Variants in GRB10 observed in about 807,000 individuals in gnomAD.
The protein encoded by GRB10 is growth factor receptor bound protein 10.
In GRB10, 20 loss-of-function variants were observed where a neutral mutation model predicts 80.9. The ratio of observed to expected loss-of-function variants is 0.25; its 90% CI spans 0.17 to 0.36. The LOEUF (loss-of-function observed/expected upper bound fraction) is 0.36. Ranked by LOEUF, GRB10 falls within the 10% of genes least tolerant of loss-of-function variation. The pLI is 1.00. For missense variants in GRB10, 548 were observed against 747.7 expected, an observed-to-expected ratio of 0.73 and a Z score of 3.12; for synonymous variants, 291 against 291.5, an observed-to-expected ratio of 1.00 and a Z score of 0.02.
chr7:50,594,401 C>T (rs889019340), intron 18 of GRB10, among the ~76,000 whole-genome samples: 1 of 152,228 alleles, frequency 6.6e-6, no homozygotes, highest in African/African-American at 2.4e-5. Flanking sequence ...AGTCACTACA[C>T]GATTCTTGAG....
At position 50,686,946 on chromosome 7, in the gene GRB10, C is replaced by T. The variant is rs143670511; in HGVS notation, c.140-12288G>A. Reference sequence around the variant, plus strand: ...TTTTATTTTTTTATTTAGATACCTTCCTTTGTCAGTGAACTTGAGTTTCTA... The same window carrying T: ...TTTTATTTTTTTATTTAGATACCTTTCTTTGTCAGTGAACTTGAGTTTCTA... On this transcript the variant is annotated intron_variant, in intron 5 of 18. Transcript: ENST00000401949. Among the ~76,000 whole-genome samples the T allele has an allele frequency of 1.4e-3, 211 of 152,302 alleles. 1 individual carries two copies. The highest frequency in any genetic ancestry group is 4.9e-3 in the African/African-American group (203 of 41,578).
chr7:50,700,057 C>T (rs768600943), intron 5 of GRB10, among the ~76,000 whole-genome samples: 18 of 151,758 alleles, frequency 1.2e-4, no homozygotes, highest in Non-Finnish European at 2.5e-4. Flanking sequence ...GAGAATGGCA[C>T]GAACCCAGGT....
At position 50,732,378 on chromosome 7, in the gene GRB10, AGAC is replaced by A. The variant is rs1489755945; in HGVS notation, c.-46-13_-46-11del. The A allele has an allele frequency of 2.0e-6, 3 of 1,512,426 alleles. No individual in the cohort carries two copies. The African/African-American group carries it at 4.1e-5, about 21-fold the overall frequency. 93.7% of individuals were successfully genotyped at this position (1,512,426 alleles called of 1,614,324 possible). A position where few individuals can be genotyped will look rare whatever the true frequency, so the allele number is the denominator to read the frequency against. ...TACTGCGCTGCAGCACCTGGAATAA[AGAC>A]AGACTGTGAGAAGCCAAGCCAGAAA... On this transcript the variant is annotated splice_polypyrimidine_tract_variant and intron_variant, in intron 3 of 18. Coordinates refer to ENST00000401949, the MANE Select transcript of GRB10 (RefSeq NM_001350814.2).
intron 5 of GRB10, among the ~76,000 whole-genome samples, chr7:50,695,741 T>C (rs2063348825): frequency 3.3e-5 from 5 of 152,184 alleles, no homozygotes; most frequent in African/African-American, 1.2e-4. Flanking sequence ...GTTTAGATAA[T>C]AAACATTCAA....
intron 4 of GRB10, among the ~76,000 whole-genome samples, chr7:50,731,637 T>A (rs1395142145): frequency 1.3e-5 from 2 of 152,174 alleles, no homozygotes; most frequent in Non-Finnish European, 2.9e-5. Context: ...AAAGTTCAAA[T>A]AAAATCTGTT....
chr7:50,611,087 C>T (rs2049438415), intron 13 of GRB10, among the ~76,000 whole-genome samples: 1 of 152,088 alleles, frequency 6.6e-6, no homozygotes, highest in Non-Finnish European at 1.5e-5. Flanking sequence ...CTGGCCGCTG[C>T]CCCTATCTGC....
intron 7 of GRB10, among the ~76,000 whole-genome samples, chr7:50,665,959 A>G (rs1461468330): frequency 6.6e-6 from 1 of 152,162 alleles, no homozygotes; most frequent in Non-Finnish European, 1.5e-5. Flanking sequence ...GGGTACCCTT[A>G]GCAAACTCAG....
At chr7:50,725,230 G>A (rs770526515) in intron 4 of GRB10, among the ~76,000 whole-genome samples, 9 of 152,184 alleles carry the variant, frequency 5.9e-5, no homozygotes, top group Admixed American at 3.3e-4. Flanking sequence ...AAGTTGCCAC[G>A]AGACCTGGTT....
chr7:50,775,026 T>C (rs1188944297), intron 2 of GRB10, among the ~76,000 whole-genome samples: 1 of 149,338 alleles, frequency 6.7e-6, no homozygotes, highest in African/African-American at 2.5e-5. Context: ...CTGGGCGTGA[T>C]GGCACACGCC....
intron 4 of GRB10, among the ~76,000 whole-genome samples, chr7:50,722,855 C>G (rs2067982980): frequency 6.6e-6 from 1 of 152,082 alleles, no homozygotes; most frequent in South Asian, 2.1e-4. Flanking sequence ...CCCATTTCAC[C>G]CACCTTAGGT....
intron 3 of GRB10, among the ~76,000 whole-genome samples, chr7:50,742,337 G>T (rs1028188102): frequency 6.6e-6 from 1 of 150,436 alleles, no homozygotes; most frequent in Non-Finnish European, 1.5e-5. Context: ...CATTCCCACT[G>T]ATCACAACAA....
chr7:50,704,809 C>G (rs1226851195), intron 4 of GRB10, among the ~76,000 whole-genome samples: 1 of 152,238 alleles, frequency 6.6e-6, no homozygotes, highest in African/African-American at 2.4e-5. Flanking sequence ...ACAGCTCCCT[C>G]TGCCAAGCGG....
At chr7:50,596,424 G>A in intron 17 of GRB10, among the ~76,000 whole-genome samples, 1 of 152,314 alleles carries the variant, frequency 6.6e-6, no homozygotes, top group East Asian at 1.9e-4. Flanking sequence ...CCATGAGTGA[G>A]GAGCCTAGGC....
chr7:50,707,390 T>C (rs1441394870), intron 4 of GRB10, among the ~76,000 whole-genome samples: 2 of 152,196 alleles, frequency 1.3e-5, no homozygotes, highest in Non-Finnish European at 2.9e-5. Flanking sequence ...ATCCAAGTGT[T>C]TCTCAGCCAC....
intron 2 of GRB10, among the ~76,000 whole-genome samples, chr7:50,760,790 A>G (rs913401916): frequency 4.4e-4 from 67 of 152,226 alleles, no homozygotes; most frequent in African/African-American, 1.6e-3. Flanking sequence ...TCACTCCACA[A>G]TCGAGCACAC....
chr7:50,640,837 T>C (rs980759739), intron 7 of GRB10, among the ~76,000 whole-genome samples: 2 of 152,184 alleles, frequency 1.3e-5, no homozygotes, highest in African/African-American at 2.4e-5. Flanking sequence ...TCCTTGTACA[T>C]TGTTTACAGC....
At chr7:50,654,548 T>C (rs1052808737) in intron 7 of GRB10, among the ~76,000 whole-genome samples, 4 of 152,256 alleles carry the variant, frequency 2.6e-5, no homozygotes, top group African/African-American at 9.6e-5. Context: ...CATCAGTGCA[T>C]GTTAAGAGGC....
intron 2 of GRB10, among the ~76,000 whole-genome samples, chr7:50,778,367 T>G (rs2077920173): frequency 1.3e-5 from 2 of 152,218 alleles, no homozygotes; most frequent in Non-Finnish European, 2.9e-5. Flanking sequence ...AGACTGTTAA[T>G]GAAAGATGAC....
At chr7:50,768,566 T>G (rs2076619119) in intron 2 of GRB10, among the ~76,000 whole-genome samples, 1 of 152,226 alleles carries the variant, frequency 6.6e-6, no homozygotes, top group Admixed American at 6.5e-5. Context: ...GTTCTCAATC[T>G]TAGCATTGTC....
Sources: gnomAD v4.1 joint callset for allele counts (sites outside exome capture counted in the v4.1 genomes callset) on GRCh38, gnomAD v4.1.1 for gene constraint, MANE v1.5 for transcripts, NCBI Gene and HGNC (gene_info 2026-07-23, HGNC 2026-07-21) for gene names.